DOCK3: variants seen among roughly 807,000 people sequenced by gnomAD.
DOCK3 encodes dedicator of cytokinesis 3, also known as dedicator of cytokinesis protein 3.
Under a neutral mutation model 265.6 loss-of-function variants are expected in DOCK3, and 60 were observed. The observed-to-expected ratio is 0.23, with a 90% CI of 0.18 to 0.28. DOCK3 has a LOEUF of 0.28. DOCK3 is among the 10% of genes least tolerant of loss of function. DOCK3 has a pLI of 1.00. For synonymous variants in DOCK3, 881 were observed against 938.0 expected (o/e 0.94, Z 1.11); for missense variants, 1,981 against 2,594.3 (o/e 0.76, Z 5.14).
chr3:50,814,721 T>TA (rs1431091943), intron 2 of DOCK3, among the ~76,000 whole-genome samples: 1 of 152,234 alleles, frequency 6.6e-6, no homozygotes, highest in Non-Finnish European at 1.5e-5. Flanking sequence ...GTATTTATCT[T>TA]AAAGAATTAT....
At position 50,854,173 on chromosome 3, in the gene DOCK3, T is replaced by G. The variant is rs532572234; in HGVS notation, c.162+12458T>G. Reference sequence around the variant, plus strand: ...TTAATGGGGATATTTGTAATTTTCTTGTTGATTTAAGTTCCTTATAGATTC... The same window carrying G: ...TTAATGGGGATATTTGTAATTTTCTGGTTGATTTAAGTTCCTTATAGATTC... On this transcript the variant is annotated intron_variant, in intron 3 of 52. Transcript: ENST00000266037. Among the ~76,000 whole-genome samples, 73 of 152,250 alleles carry G rather than the reference T, an allele frequency of 4.8e-4. 2 individuals are homozygous for G. In the South Asian group the frequency reaches 0.015, roughly 31 times the overall value.
intron 5 of DOCK3, among the ~76,000 whole-genome samples, chr3:50,989,419 G>A (rs191571503): frequency 2.6e-5 from 4 of 152,270 alleles, no homozygotes; most frequent in East Asian, 1.9e-4. Context: ...ACAGCATTGA[G>A]CGGGAACATG....
intron 5 of DOCK3, among the ~76,000 whole-genome samples, chr3:51,017,027 G>T (rs1249595534): frequency 7.0e-6 from 1 of 143,310 alleles, no homozygotes; most frequent in Admixed American, 7.3e-5. Flanking sequence ...TTTGCTGGGA[G>T]GCTTTTTATT....
intron 32 of DOCK3, among the ~76,000 whole-genome samples, chr3:51,329,028 T>A (rs1486507271): frequency 1.3e-5 from 2 of 151,970 alleles, no homozygotes; most frequent in African/African-American, 4.8e-5. Flanking sequence ...TGGTGCGTGC[T>A]TATAATCCCA....
intron 26 of DOCK3, chr3:51,278,533 G>C (rs1247171450): frequency 1.4e-5 from 14 of 985,288 alleles, no homozygotes; most frequent in Non-Finnish European, 1.7e-5. Context: ...GAGCAGGTAT[G>C]TGTTCTGGAG....
At chr3:51,340,901 GCT>G (rs2085192460) in intron 37 of DOCK3, among the ~76,000 whole-genome samples, 1 of 152,190 alleles carries the variant, frequency 6.6e-6, no homozygotes, top group South Asian at 2.1e-4. Flanking sequence ...GAACCCAAGA[GCT>G]CTCTCTGATG....
intron 8 of DOCK3, 71 bp downstream of exon 8, chr3:51,089,355 TACACCAGGAAATGACAG>T: frequency 6.6e-7 from 1 of 1,518,168 alleles, no homozygotes; most frequent in Non-Finnish European, 9.0e-7. Context: ...AACATATGAA[TACACCAGGAAATGACAG>T]ACACCACTGA....
chr3:51,115,827 G>A (rs562412655), intron 9 of DOCK3, among the ~76,000 whole-genome samples: 9 of 152,204 alleles, frequency 5.9e-5, no homozygotes, highest in South Asian at 4.1e-4. Context: ...TGTATAAGTC[G>A]TAAGGAAGGG....
chr3:50,874,403 GGC>G (rs2047595996), intron 3 of DOCK3, among the ~76,000 whole-genome samples: 1 of 151,906 alleles, frequency 6.6e-6, no homozygotes, highest in African/African-American at 2.4e-5. Flanking sequence ...CTACCTGGGA[GGC>G]TGAAGCAGGA....
chr3:51,280,089 T>C lies in DOCK3; in HGVS notation c.2824-17T>C. 6.2e-7 allele frequency: 1 copy of C among 1,611,604 alleles called. No individual in the cohort carries two copies. The highest frequency in any genetic ancestry group is 8.5e-7 in the Non-Finnish European group (1 of 1,178,690). ...TGCAATTGGCCATGCTAAGTGTTTT[T>C]TTGGGTTGGTCCCTAGGGCGAGTAT... On this transcript the variant is annotated splice_polypyrimidine_tract_variant and intron_variant, in intron 26 of 52. Coordinates refer to ENST00000266037, the MANE Select transcript of DOCK3 (RefSeq NM_004947.5).
chr3:50,883,400 G>A (rs2048158672), intron 3 of DOCK3, among the ~76,000 whole-genome samples: 1 of 152,032 alleles, frequency 6.6e-6, no homozygotes, highest in African/African-American at 2.4e-5. Flanking sequence ...AAAAATGAAT[G>A]TCTATTATAT....
chr3:50,922,584 A>T (rs1218772690), intron 4 of DOCK3, among the ~76,000 whole-genome samples: 1 of 152,132 alleles, frequency 6.6e-6, no homozygotes, highest in African/African-American at 2.4e-5. Flanking sequence ...CGGTACCTCA[A>T]TTGGAAATGC....
chr3:51,147,097 A>T (rs1358583320), intron 10 of DOCK3, among the ~76,000 whole-genome samples: 1 of 151,950 alleles, frequency 6.6e-6, no homozygotes, highest in Non-Finnish European at 1.5e-5. Context: ...TAGGTGAAAA[A>T]GTGAGACCAG....
chr3:51,140,918 A>G (rs1241852831), intron 9 of DOCK3, among the ~76,000 whole-genome samples: 1 of 152,122 alleles, frequency 6.6e-6, no homozygotes, highest in African/African-American at 2.4e-5. Flanking sequence ...TATCTATTCA[A>G]GTTACCCACT....
intron 1 of DOCK3, among the ~76,000 whole-genome samples, chr3:50,717,806 G>A (rs1466804805): frequency 6.6e-6 from 1 of 152,050 alleles, no homozygotes; most frequent in Non-Finnish European, 1.5e-5. Context: ...GGTATTTTCA[G>A]TAGAGATGGA....
chr3:51,004,264 C>A (rs2078587651), intron 5 of DOCK3, among the ~76,000 whole-genome samples: 1 of 152,064 alleles, frequency 6.6e-6, no homozygotes, highest in Non-Finnish European at 1.5e-5. Context: ...CGTTGTGAGG[C>A]AAGCTATGGA....
At chr3:50,877,823 A>G (rs1334479933) in intron 3 of DOCK3, among the ~76,000 whole-genome samples, 1 of 151,956 alleles carries the variant, frequency 6.6e-6, no homozygotes, top group Non-Finnish European at 1.5e-5. Flanking sequence ...ACAGGCCTGC[A>G]CCACCACGCC....
rs753818671 is a variant in DOCK3 at position 51,356,180 on chromosome 3, C to T, written c.4341C>T (p.Arg1447=). 5.0e-5 allele frequency: 81 copies of T among 1,613,968 alleles called. No homozygotes were observed. The highest frequency in any genetic ancestry group is 5.0e-4 in the Middle Eastern group (3 of 6,060). The part of the protein sequence containing the change: ...RVPDRVKSFY[R]VNNVRKFRYD... ...CAGATCGAGTCAAGAGCTTCTATCG[C>T]GTCAACAATGTGAGGAAGTTCCGGT... The change falls in exon 42 of 53, where the codon CGC becomes CGT. Residue 1447 remains arginine (R), a synonymous_variant. Transcript: ENST00000266037.
intron 5 of DOCK3, among the ~76,000 whole-genome samples, chr3:50,994,083 A>G (rs2078199922): frequency 6.6e-6 from 1 of 152,298 alleles, no homozygotes; most frequent in Middle Eastern, 3.4e-3. Context: ...TAGCATTGAT[A>G]TTGGACTGAG....
Sources: allele counts gnomAD v4.1 joint callset (sites outside exome capture counted in the v4.1 genomes callset), GRCh38; gene constraint gnomAD v4.1.1; transcripts MANE v1.5; gene names NCBI Gene and HGNC (gene_info 2026-07-23, HGNC 2026-07-21).